MRPL48: variants seen among roughly 807,000 people sequenced by gnomAD.
The protein encoded by MRPL48 is large ribosomal subunit protein mL48.
In MRPL48, 16 loss-of-function variants were observed where a neutral mutation model predicts 32.9. The observed-to-expected ratio is 0.49, with a 90% CI of 0.33 to 0.74. MRPL48 has a LOEUF of 0.74. Among genes scored for constraint, MRPL48 ranks in the 30% least tolerant of loss-of-function variants. The pLI is 0.02. For missense variants in MRPL48, 206 were observed against 245.3 expected, an observed-to-expected ratio of 0.84 and a Z score of 1.07; for synonymous variants, 94 against 89.2, an observed-to-expected ratio of 1.05 and a Z score of -0.31.
chr11:73,825,284 ATGTG>A (rs66515925), intron 3 of MRPL48, among the ~76,000 whole-genome samples: 4,599 of 139,792 alleles, frequency 0.033, 72 homozygotes, highest in African/African-American at 0.046. Context: ...TTTTTTATAT[ATGTG>A]TGTGTGTGTG....
intron 4 of MRPL48, among the ~76,000 whole-genome samples, chr11:73,827,388 A>G (rs1296018678): frequency 6.6e-6 from 1 of 152,168 alleles, no homozygotes; most frequent in Non-Finnish European, 1.5e-5. Context: ...TGTCTCAAAA[A>G]TAAATAGATA....
intron 3 of MRPL48, among the ~76,000 whole-genome samples, chr11:73,811,639 G>A (rs1393698254): frequency 6.6e-6 from 1 of 152,008 alleles, no homozygotes; most frequent in African/African-American, 2.4e-5. Flanking sequence ...TCTAGCCTTG[G>A]TCTTATCCCT....
intron 3 of MRPL48, among the ~76,000 whole-genome samples, chr11:73,818,549 T>C (rs1293304144): frequency 1.3e-5 from 2 of 152,220 alleles, no homozygotes; most frequent in Non-Finnish European, 2.9e-5. Flanking sequence ...GAACCATTTT[T>C]GTTTTGTTTT....
chr11:73,859,602 C>T (rs942815207), intron 5 of MRPL48, among the ~76,000 whole-genome samples: 10 of 152,046 alleles, frequency 6.6e-5, no homozygotes, highest in African/African-American at 2.4e-4. Flanking sequence ...TTAGAATGGG[C>T]CATTCTTCAG....
chr11:73,788,479 T>C (rs1209496207), intron 1 of MRPL48, among the ~76,000 whole-genome samples: 9 of 145,968 alleles, frequency 6.2e-5, no homozygotes, highest in South Asian at 2.2e-4. Context: ...TTTCTTTTTT[T>C]TTTTTTTTTT....
At chr11:73,858,347 G>A (rs7119242) in intron 5 of MRPL48, among the ~76,000 whole-genome samples, 8,592 of 152,308 alleles carry the variant, frequency 0.056, 267 homozygotes, top group Middle Eastern at 0.11. Flanking sequence ...CAACAACTCT[G>A]TGAATTAGGT....
chr11:73,860,628 C>T (rs1313072243), intron 6 of MRPL48: 1 of 152,244 alleles, frequency 6.6e-6, no homozygotes, highest in East Asian at 1.9e-4. Flanking sequence ...GTGCCAACCA[C>T]ACCACCATGA....
intron 5 of MRPL48, among the ~76,000 whole-genome samples, chr11:73,855,993 G>A (rs1948476672): frequency 6.6e-6 from 1 of 152,160 alleles, no homozygotes; most frequent in African/African-American, 2.4e-5. Flanking sequence ...TGTAAGGCAA[G>A]GACTATTTCT....
At chr11:73,848,562 T>C (rs1948336480) in intron 5 of MRPL48, among the ~76,000 whole-genome samples, 1 of 152,020 alleles carries the variant, frequency 6.6e-6, no homozygotes, top group African/African-American at 2.4e-5. Context: ...ATTGTTTATA[T>C]TGAGTCTTCT....
At chr11:73,856,418 T>C (rs908299040) in intron 5 of MRPL48, among the ~76,000 whole-genome samples, 1 of 152,218 alleles carries the variant, frequency 6.6e-6, no homozygotes, top group African/African-American at 2.4e-5. Flanking sequence ...TTTTGTTCTC[T>C]AAGTGGTTTG....
chr11:73,830,793 G>T (rs1050633736), intron 4 of MRPL48, among the ~76,000 whole-genome samples: 1 of 151,648 alleles, frequency 6.6e-6, no homozygotes, highest in Non-Finnish European at 1.5e-5. Context: ...GGGAAGGAAG[G>T]GGGTATCTAC....
At chr11:73,837,522 T>C (rs1948125595) in intron 4 of MRPL48, among the ~76,000 whole-genome samples, 1 of 152,238 alleles carries the variant, frequency 6.6e-6, no homozygotes, top group East Asian at 1.9e-4. Context: ...GCAAATAACT[T>C]ACCTTCAGAG....
chr11:73,847,696 G>A (rs539916117), intron 5 of MRPL48, among the ~76,000 whole-genome samples: 23 of 151,924 alleles, frequency 1.5e-4, no homozygotes, highest in Non-Finnish European at 2.8e-4. Flanking sequence ...TGCCCGCTTC[G>A]GCCTCCCAAA....
intron 3 of MRPL48, among the ~76,000 whole-genome samples, chr11:73,824,722 GA>G (rs1012660802): frequency 1.3e-5 from 2 of 151,154 alleles, no homozygotes; most frequent in African/African-American, 4.9e-5. Context: ...TTTTTCAAAA[GA>G]AAAAAAGAAA....
chr11:73,807,125 C>T (rs541977671), intron 2 of MRPL48, among the ~76,000 whole-genome samples: 1 of 152,294 alleles, frequency 6.6e-6, no homozygotes, highest in Admixed American at 6.5e-5. Flanking sequence ...GCTCCTCAGC[C>T]TCCCAAAGTG....
intron 3 of MRPL48, among the ~76,000 whole-genome samples, chr11:73,815,898 T>TA (rs1170365119): frequency 2.6e-5 from 4 of 151,452 alleles, no homozygotes; most frequent in South Asian, 4.2e-4. Flanking sequence ...TTTTATTTTT[T>TA]TTTTTTTTAT....
At chr11:73,830,188 A>G (rs969087517) in intron 4 of MRPL48, among the ~76,000 whole-genome samples, 2 of 152,188 alleles carry the variant, frequency 1.3e-5, no homozygotes, top group Non-Finnish European at 2.9e-5. Flanking sequence ...GACAGTAAAT[A>G]TTGATTAAGC....
At chr11:73,859,818 C>T in intron 5 of MRPL48, 89 bp from the exon 6 acceptor site, 2 of 1,063,224 alleles carry the variant, frequency 1.9e-6, no homozygotes, top group Admixed American at 4.1e-5. Context: ...CTATTGCATG[C>T]CATAGTGGCT....
intron 1 of MRPL48, among the ~76,000 whole-genome samples, chr11:73,796,206 C>T (rs11235908): frequency 0.091 from 13,825 of 152,240 alleles, 750 homozygotes; most frequent in South Asian, 0.27. Context: ...TCCGCTCTTC[C>T]GAGTGCAGTT....
Sources: allele counts gnomAD v4.1 joint callset (sites outside exome capture counted in the v4.1 genomes callset), GRCh38; gene constraint gnomAD v4.1.1; transcripts MANE v1.5; gene names NCBI Gene and HGNC (gene_info 2026-07-23, HGNC 2026-07-21).